The following FGF13 variants were observed in gnomAD, a reference collection of about 807,000 sequenced individuals.
The protein encoded by FGF13 is fibroblast growth factor homologous factor 2.
Under a neutral mutation model 19.5 loss-of-function variants are expected in FGF13, and 2 were observed. The ratio of observed to expected loss-of-function variants is 0.10; its 90% CI spans 0.04 to 0.32. The LOEUF is 0.32. Among genes scored for constraint, FGF13 ranks in the 10% least tolerant of loss-of-function variants. The pLI is 1.00. For synonymous variants in FGF13, 72 were observed against 76.9 expected, an observed-to-expected ratio of 0.94 and a Z score of 0.33; for missense variants, 113 against 192.7, an observed-to-expected ratio of 0.59 and a Z score of 2.45.
intron 3 of FGF13, among the ~76,000 whole-genome samples, chrX:138,659,817 C>G (rs1160180099): frequency 9.0e-6 from 1 of 111,413 alleles, no homozygotes; most frequent in African/African-American, 3.3e-5. Flanking sequence ...AACAGAAAAC[C>G]AAACACCACA....
At chrX:139,106,743 G>A (rs192914653) in intron 1 of FGF13, among the ~76,000 whole-genome samples, 91 of 112,671 alleles carry the variant, frequency 8.1e-4, no homozygotes, top group Non-Finnish European at 9.9e-4. Flanking sequence ...AAGTTCAAAT[G>A]TAGTTTTGAC....
chrX:138,863,108 C>T (rs2091298043), intron 2 of FGF13, among the ~76,000 whole-genome samples: 1 of 111,181 alleles, frequency 9.0e-6, no homozygotes, highest in Non-Finnish European at 1.9e-5. Context: ...CAGGGTTCCA[C>T]TAAAATGTCA....
chrX:139,107,688 G>A (rs1375764208), intron 1 of FGF13, among the ~76,000 whole-genome samples: 1 of 110,478 alleles, frequency 9.1e-6, no homozygotes, highest in African/African-American at 3.3e-5. Context: ...GTTCATGATC[G>A]GATATTCAGA....
At chrX:138,685,451 CT>C (rs2089772055) in intron 3 of FGF13, among the ~76,000 whole-genome samples, 2 of 111,096 alleles carry the variant, frequency 1.8e-5, no homozygotes, top group Admixed American at 9.6e-5. Flanking sequence ...CATAAAAAAA[CT>C]GTCATAAATG....
At chrX:138,838,682 G>C (rs1330600113) in intron 3 of FGF13, among the ~76,000 whole-genome samples, 1 of 111,587 alleles carries the variant, frequency 9.0e-6, no homozygotes, top group Admixed American at 9.5e-5. Context: ...TCCTCTCTTT[G>C]AGAGCTATGG....
chrX:138,632,855 T>G lies in FGF13; in HGVS notation c.733A>C (p.Thr245Pro). ...CCTTCTTTTGCCCTCACTGGCTACG[T>G]TGATTCATTGTGGCTCATGGATTTG... is the stretch of plus-strand genomic sequence containing the variant. ...GGKSMSHNES[T>P] The change falls in exon 5 of 5, where the codon ACG (threonine) becomes CCG (proline). Residue 245 changes from threonine to proline, a missense_variant. Thr to Pro is a conservative substitution (Grantham distance 38). This residue lies in a region of FGF13 where 43 missense variants were observed against 41.4 expected (regional missense o/e 1.04). Coordinates refer to ENST00000315930, the MANE Select transcript of FGF13 (RefSeq NM_004114.5). 3 of 1,208,535 alleles carry G rather than the reference T, an allele frequency of 2.5e-6. No homozygotes were observed. Among genetic ancestry groups the G allele is most frequent in the Non-Finnish European group, 3.4e-6 (3 of 893,564 alleles).
chrX:138,711,217 C>T lies in FGF13; in HGVS notation c.-214G>A, dbSNP rs2090042898. The T allele has an allele frequency of 1.9e-6, 2 of 1,055,556 alleles. No homozygotes were observed. Among genetic ancestry groups the T allele is most frequent in the Admixed American group, 8.2e-5 (2 of 24,364 alleles). 87.0% of individuals were successfully genotyped at this position (1,055,556 alleles called of 1,213,427 possible). Reference sequence around the variant, plus strand: ...CTCCGGCGGCGGTCCGGCTCCCGCGCGGGCTGCTGGCTGCCTGGGTCGGAG... The same window carrying T: ...CTCCGGCGGCGGTCCGGCTCCCGCGTGGGCTGCTGGCTGCCTGGGTCGGAG... On this transcript the variant is annotated 5_prime_UTR_variant, in exon 1 of 5. Transcript: ENST00000315930.
Position 138,912,866 on chromosome X carries a change from T to G in FGF13, c.-112-48216A>C, listed in dbSNP as rs139805666. On this transcript the variant is annotated intron_variant, in intron 1 of 2. Coordinates refer to the FGF13 transcript ENST00000421460. ...GTTTTCAGTCTGCATCCAGGGAAAA[T>G]GAACCCCTTTAAAGAGTCCTGAACA... 9.4e-4 allele frequency among the ~76,000 whole-genome samples: 105 copies of G among 111,339 alleles called. No homozygotes were observed. In the East Asian group the frequency reaches 0.027, roughly 28 times the overall value.
rs1235281537 is a variant in FGF13, at chrX:138,628,948, C to T, written c.*3902G>A. On this transcript the variant is annotated 3_prime_UTR_variant, in exon 5 of 5. Coordinates refer to ENST00000315930, the MANE Select transcript of FGF13 (RefSeq NM_004114.5). The stretch of plus-strand genomic sequence containing the variant: ...TTTGCTTTTAAAAAGTTGCAAAAAG[C>T]CTGAAGAAAGTGTTGTTTTCTTTTC... 8.9e-6 allele frequency: 1 copy of T among 111,917 alleles called. No individual in the cohort carries two copies. Among genetic ancestry groups the T allele is most frequent in the Non-Finnish European group, 1.9e-5 (1 of 53,193 alleles). 9.2% of individuals were successfully genotyped at this position (111,917 alleles called of 1,213,427 possible).
chrX:138,880,401 A>T (rs1276500568), intron 1 of FGF13, among the ~76,000 whole-genome samples: 1 of 112,035 alleles, frequency 8.9e-6, no homozygotes, highest in Non-Finnish European at 1.9e-5. Context: ...CTGTGGCACT[A>T]TTTACAATAG....
At chrX:138,747,462 T>A (rs1160989700) in intron 3 of FGF13, among the ~76,000 whole-genome samples, 1 of 112,190 alleles carries the variant, frequency 8.9e-6, no homozygotes, top group Non-Finnish European at 1.9e-5. Context: ...ATTAGTATTA[T>A]GTATTTGGCT....
At chrX:138,953,417 G>A (rs939722801) in intron 1 of FGF13, among the ~76,000 whole-genome samples, 42 of 109,832 alleles carry the variant, frequency 3.8e-4, no homozygotes, top group Middle Eastern at 4.6e-3. Context: ...ATCACACCCC[G>A]GGGCCTGTGG....
chrX:138,969,823 T>C (rs1340351242), intron 1 of FGF13, among the ~76,000 whole-genome samples: 1 of 111,821 alleles, frequency 8.9e-6, no homozygotes, highest in Non-Finnish European at 1.9e-5. Context: ...ATACAGCCAT[T>C]GTCGTTTGTT....
rs2089963875 is a variant in FGF13 at position 138,703,148 on chromosome X, G to A, written c.299-61C>T. ...ATTCTGAATTTCAGAACTTTTCAAT[G>A]TTTCCAGCAGGACTGCCTGGTCCTC... On this transcript the variant is annotated intron_variant, in intron 2 of 4. Transcript: ENST00000315930. 6.7e-6 allele frequency: 6 copies of A among 895,334 alleles called. No individual in the cohort carries two copies. The South Asian group carries it at 8.2e-5, about 12-fold the overall frequency. The allele number at this position is 895,334 out of a possible 1,213,427, so 73.8% of individuals were successfully genotyped here.
intron 1 of FGF13, among the ~76,000 whole-genome samples, chrX:139,116,292 A>G (rs1317834889): frequency 8.9e-6 from 1 of 112,325 alleles, no homozygotes; most frequent in Non-Finnish European, 1.9e-5. Flanking sequence ...TCATTTTATG[A>G]CATCAGGTTT....
upstream of FGF13, chrX:139,204,298 A>G: frequency 2.6e-6 from 1 of 379,179 alleles, no homozygotes; most frequent in Non-Finnish European, 4.4e-6. Flanking sequence ...AGGAAAGGAA[A>G]GGGGTGAAGG....
intron 3 of FGF13, among the ~76,000 whole-genome samples, chrX:138,816,479 G>A (rs2090962387): frequency 8.9e-6 from 1 of 112,414 alleles, no homozygotes; most frequent in African/African-American, 3.2e-5. Flanking sequence ...TCCTGAAAAT[G>A]TATCACCAAC....
chrX:138,777,193 G>C (rs577773122), intron 3 of FGF13, among the ~76,000 whole-genome samples: 17 of 111,134 alleles, frequency 1.5e-4, no homozygotes, highest in Non-Finnish European at 3.2e-4. Flanking sequence ...TGGCAGCAAG[G>C]GGACATGATT....
rs1176265463 is a variant in FGF13 at position 138,620,998 on chromosome X, T to C, written c.*11852A>G. ...AATATATAAAGCAGGTATTAATAGA[T>C]ATGAACAGGAAATATAGACTGTAAT... On this transcript the variant is annotated 3_prime_UTR_variant, in exon 5 of 5. Transcript: ENST00000315930. 1.8e-5 allele frequency: 2 copies of C among 111,792 alleles called. No individual in the cohort carries two copies. The highest frequency in any genetic ancestry group is 3.8e-5 in the Non-Finnish European group (2 of 53,137). The allele number at this position is 111,792 out of a possible 1,213,427, so 9.2% of individuals were successfully genotyped here.
Sources: gnomAD v4.1 joint callset for allele counts (sites outside exome capture counted in the v4.1 genomes callset) on GRCh38, gnomAD v4.1.1 for gene constraint, gnomAD v4.1.1 regional missense constraint, MANE v1.5 for transcripts, NCBI Gene and HGNC (gene_info 2026-07-23, HGNC 2026-07-21) for gene names.